The following TMC1 variants were observed in gnomAD, a reference collection of about 807,000 sequenced individuals.
The protein encoded by TMC1 is transmembrane channel like 1.
A neutral mutation model predicts 105.8 loss-of-function variants in TMC1; 84 were observed. The observed-to-expected ratio is 0.79, with a 90% CI of 0.67 to 0.95. The LOEUF (loss-of-function observed/expected upper bound fraction) is 0.95, where lower values mean the gene tolerates loss of function less well. Ranked by LOEUF, TMC1 falls within the 40% of genes least tolerant of loss-of-function variation. The pLI, the probability that TMC1 is intolerant of heterozygous loss-of-function variation, is 0.00. For synonymous variants in TMC1, 315 were observed against 311.5 expected (o/e 1.01, Z -0.12); for missense variants, 817 against 914.1 (o/e 0.89, Z 1.37).
At chr9:72,725,972 G>A (rs1361989810) in intron 8 of TMC1, among the ~76,000 whole-genome samples, 1 of 152,076 alleles carries the variant, frequency 6.6e-6, no homozygotes, top group East Asian at 1.9e-4. Context: ...TTACAGGCGT[G>A]AGCCACCACG....
At chr9:72,814,430 C>T (rs2118277498) in intron 18 of TMC1, among the ~76,000 whole-genome samples, 1 of 152,316 alleles carries the variant, frequency 6.6e-6, no homozygotes, top group Admixed American at 6.5e-5. Flanking sequence ...AGCACAAAAA[C>T]TGTCAACCAA....
At chr9:72,634,515 C>G (rs960657657) in intron 4 of TMC1, among the ~76,000 whole-genome samples, 1 of 152,130 alleles carries the variant, frequency 6.6e-6, no homozygotes, top group African/African-American at 2.4e-5. Flanking sequence ...CAGTCCCCCA[C>G]CAAGGAGGGC....
At chr9:72,665,451 G>A (rs1826028746) in intron 5 of TMC1, among the ~76,000 whole-genome samples, 1 of 152,252 alleles carries the variant, frequency 6.6e-6, no homozygotes, top group African/African-American at 2.4e-5. Flanking sequence ...AAGGAAGAAT[G>A]TCTATTTTTA....
At chr9:72,544,276 C>T (rs886841805) in intron 1 of TMC1, among the ~76,000 whole-genome samples, 2 of 151,654 alleles carry the variant, frequency 1.3e-5, no homozygotes, top group Non-Finnish European at 2.9e-5. Flanking sequence ...TTGTGCTTAA[C>T]ATAAAGTTTA....
chr9:72,634,499 C>T (rs1343318343), intron 4 of TMC1, among the ~76,000 whole-genome samples: 1 of 152,172 alleles, frequency 6.6e-6, no homozygotes. Flanking sequence ...CTTACAAAGG[C>T]AGTTTCAGTC....
intron 4 of TMC1, among the ~76,000 whole-genome samples, chr9:72,631,298 T>A (rs369199425): frequency 6.6e-6 from 1 of 152,258 alleles, no homozygotes. Context: ...ATATTTTTGT[T>A]ACTGGACAAG....
At chr9:72,646,833 G>A (rs1482527514) in intron 4 of TMC1, among the ~76,000 whole-genome samples, 4 of 151,550 alleles carry the variant, frequency 2.6e-5, no homozygotes, top group African/African-American at 4.8e-5. Context: ...CTTTATTTTT[G>A]ATACTAATCT....
At chr9:72,745,676 A>G (rs893285629) in intron 10 of TMC1, among the ~76,000 whole-genome samples, 1 of 152,172 alleles carries the variant, frequency 6.6e-6, no homozygotes, top group African/African-American at 2.4e-5. Context: ...GGACTATCTT[A>G]TAAAAAGTAC....
chr9:72,744,877 A>G (rs778644813), intron 10 of TMC1, among the ~76,000 whole-genome samples: 1 of 152,222 alleles, frequency 6.6e-6, no homozygotes, highest in Non-Finnish European at 1.5e-5. Flanking sequence ...GCATGCAGCA[A>G]GAGTTACACA....
chr9:72,566,729 C>T (rs551912282), intron 1 of TMC1, among the ~76,000 whole-genome samples: 1 of 152,282 alleles, frequency 6.6e-6, no homozygotes, highest in African/African-American at 2.4e-5. Context: ...TTCCTCCTAC[C>T]CTTGTGGACT....
At chr9:72,806,505 G>A (rs1028351000) in intron 18 of TMC1, among the ~76,000 whole-genome samples, 5 of 149,872 alleles carry the variant, frequency 3.3e-5, no homozygotes, top group South Asian at 2.1e-4. Context: ...TTTCTCAGAC[G>A]GGGCGGCTGC....
chr9:72,668,620 T>A (rs1826080378), intron 5 of TMC1, among the ~76,000 whole-genome samples: 1 of 152,202 alleles, frequency 6.6e-6, no homozygotes, highest in Non-Finnish European at 1.5e-5. Context: ...CTCTCTAAAC[T>A]TTTCATCATT....
At chr9:72,567,531 G>T (rs117033178) in intron 1 of TMC1, among the ~76,000 whole-genome samples, 5,975 of 152,262 alleles carry the variant, frequency 0.039, 162 homozygotes, top group Middle Eastern at 0.088. Context: ...TTATGGCAGA[G>T]GCACCTCTTC....
intron 8 of TMC1, 21 bp from the exon 9 acceptor site, chr9:72,740,098 A>G: frequency 6.3e-7 from 1 of 1,592,824 alleles, no homozygotes; most frequent in African/African-American, 1.3e-5. Context: ...TTTATCCCTT[A>G]TGTTATTTTT....
intron 2 of TMC1, among the ~76,000 whole-genome samples, chr9:72,594,376 G>C (rs921860472): frequency 6.6e-6 from 1 of 152,156 alleles, no homozygotes; most frequent in African/African-American, 2.4e-5. Flanking sequence ...TATTTGTACA[G>C]CTCCATTGCA....
intron 5 of TMC1, among the ~76,000 whole-genome samples, chr9:72,667,677 C>T (rs991290148): frequency 6.6e-6 from 1 of 152,164 alleles, no homozygotes; most frequent in South Asian, 2.1e-4. Flanking sequence ...CATTTTTAAT[C>T]CTGGCAATTT....
chr9:72,569,591 AT>A (rs557701830), intron 1 of TMC1, among the ~76,000 whole-genome samples: 239 of 152,306 alleles, frequency 1.6e-3, no homozygotes, highest in African/African-American at 5.5e-3. Flanking sequence ...GGGGCAGGGC[AT>A]TTAGGCAGAG....
intron 8 of TMC1, among the ~76,000 whole-genome samples, chr9:72,718,849 G>T (rs1363537800): frequency 6.6e-6 from 1 of 152,164 alleles, no homozygotes; most frequent in Admixed American, 6.5e-5. Context: ...AGGTACGAAT[G>T]ACCTCAGACT....
intron 1 of TMC1, among the ~76,000 whole-genome samples, chr9:72,556,861 T>C (rs1823950235): frequency 6.6e-6 from 1 of 151,446 alleles, no homozygotes; most frequent in Non-Finnish European, 1.5e-5. Flanking sequence ...AAATTGGTTC[T>C]TGAGCAGGGC....
Sources: gnomAD v4.1 joint callset for allele counts (sites outside exome capture counted in the v4.1 genomes callset) on GRCh38, gnomAD v4.1.1 for gene constraint, MANE v1.5 for transcripts, NCBI Gene and HGNC (gene_info 2026-07-23, HGNC 2026-07-21) for gene names.